The following KHDRBS3 variants were observed in gnomAD, a reference collection of about 807,000 sequenced individuals.
KHDRBS3 encodes KH domain-containing, RNA-binding, signal transduction-associated protein 3.
KHDRBS3 carries 23 observed loss-of-function variants against 45.6 expected under a neutral mutation model. The observed-to-expected ratio is 0.50, with a 90% confidence interval of 0.36 to 0.72. The LOEUF is 0.72. KHDRBS3 is among the 30% of genes least tolerant of loss of function. KHDRBS3 has a pLI of 0.00. For missense variants in KHDRBS3, 352 were observed against 424.8 expected, an observed-to-expected ratio of 0.83 and a Z score of 1.51; for synonymous variants, 162 against 156.5, an observed-to-expected ratio of 1.04 and a Z score of -0.26.
chr8:135,558,733 C>CCTG (rs1827016958), intron 5 of KHDRBS3, among the ~76,000 whole-genome samples: 1 of 152,090 alleles, frequency 6.6e-6, no homozygotes, highest in Admixed American at 6.6e-5. Context: ...AACTTACTTA[C>CCTG]CTGCTTCATT....
At chr8:135,465,271 G>A (rs1205971172) in intron 1 of KHDRBS3, among the ~76,000 whole-genome samples, 1 of 151,932 alleles carries the variant, frequency 6.6e-6, no homozygotes, top group African/African-American at 2.4e-5. Context: ...TCTTTGTAGG[G>A]TTGCTGTTTT....
chr8:135,459,280 ACT>A (rs1821301037), intron 1 of KHDRBS3, among the ~76,000 whole-genome samples: 1 of 151,986 alleles, frequency 6.6e-6, no homozygotes, highest in South Asian at 2.1e-4. Context: ...TGGAGGAGAG[ACT>A]CTTTACTGTC....
chr8:135,649,118 T>C (rs1465309459), downstream of KHDRBS3, among the ~76,000 whole-genome samples: 1 of 152,192 alleles, frequency 6.6e-6, no homozygotes, highest in Non-Finnish European at 1.5e-5. Flanking sequence ...AATTACTTCA[T>C]AAAATGTAAA....
chr8:135,562,554 A>T (rs535772106), intron 5 of KHDRBS3, among the ~76,000 whole-genome samples: 1 of 152,196 alleles, frequency 6.6e-6, no homozygotes, highest in Non-Finnish European at 1.5e-5. Flanking sequence ...ATGAAATCAC[A>T]TGCGGTAACT....
chr8:135,526,799 T>G (rs1825211141), intron 2 of KHDRBS3, among the ~76,000 whole-genome samples: 2 of 152,194 alleles, frequency 1.3e-5, no homozygotes, highest in Admixed American at 1.3e-4. Context: ...CAGGAATCAT[T>G]TAGTGTTCAG....
intron 2 of KHDRBS3, among the ~76,000 whole-genome samples, chr8:135,536,565 G>A (rs933497827): frequency 3.3e-5 from 5 of 152,110 alleles, no homozygotes; most frequent in African/African-American, 1.2e-4. Context: ...GATTGAAGGA[G>A]ATGGAAGTGG....
chr8:135,644,574 T>C (rs1831203377), intron 7 of KHDRBS3, among the ~76,000 whole-genome samples: 1 of 152,156 alleles, frequency 6.6e-6, no homozygotes, highest in African/African-American at 2.4e-5. Flanking sequence ...TAGACGAGGG[T>C]GTAAGAAGAA....
downstream of KHDRBS3, among the ~76,000 whole-genome samples, chr8:135,651,613 C>T (rs748576795): frequency 9.9e-5 from 15 of 152,126 alleles, no homozygotes; most frequent in Non-Finnish European, 1.2e-4. Context: ...GCTTGGCCTA[C>T]TCCATTCCCT....
At chr8:135,580,237 G>A (rs1189934571) in intron 5 of KHDRBS3, among the ~76,000 whole-genome samples, 1 of 152,158 alleles carries the variant, frequency 6.6e-6, no homozygotes, top group South Asian at 2.1e-4. Flanking sequence ...TACTTTGAAC[G>A]AGGCACTTCC....
intron 1 of KHDRBS3, among the ~76,000 whole-genome samples, chr8:135,461,663 GTC>G (rs1157173110): frequency 1.3e-5 from 2 of 152,156 alleles, no homozygotes; most frequent in Non-Finnish European, 2.9e-5. Context: ...TTTAATCCAA[GTC>G]TCTGATATTG....
chr8:135,597,322 T>C (rs973289982), intron 6 of KHDRBS3, among the ~76,000 whole-genome samples: 1 of 152,182 alleles, frequency 6.6e-6, no homozygotes, highest in Non-Finnish European at 1.5e-5. Context: ...CCCAACTTCT[T>C]AATTCCACCA....
chr8:135,588,994 C>G (rs1828616963), intron 6 of KHDRBS3, among the ~76,000 whole-genome samples: 1 of 152,162 alleles, frequency 6.6e-6, no homozygotes, highest in South Asian at 2.1e-4. Flanking sequence ...TCTCTGTATT[C>G]AAATAGCTAC....
At chr8:135,610,429 G>A (rs936267072) in intron 7 of KHDRBS3, among the ~76,000 whole-genome samples, 2 of 151,764 alleles carry the variant, frequency 1.3e-5, no homozygotes, top group African/African-American at 2.4e-5. Flanking sequence ...CAGATGATAA[G>A]CATTTATTCT....
chr8:135,458,038 C>A, intron 1 of KHDRBS3, 84 bp downstream of exon 1: 1 of 1,458,216 alleles, frequency 6.9e-7, no homozygotes, highest in South Asian at 1.4e-5. Context: ...CCTCCGTGCC[C>A]TCTGCTGTCA....
intron 1 of KHDRBS3, 136 bp downstream of exon 1, chr8:135,458,090 C>A: frequency 7.2e-7 from 1 of 1,390,336 alleles, no homozygotes; most frequent in South Asian, 1.6e-5. Flanking sequence ...CCCCCGGGGT[C>A]GTTTGCACGG....
intron 2 of KHDRBS3, among the ~76,000 whole-genome samples, chr8:135,531,677 T>G (rs1825485994): frequency 6.6e-6 from 1 of 151,308 alleles, no homozygotes; most frequent in South Asian, 2.1e-4. Flanking sequence ...TGATGGAGAG[T>G]TATTTCTAGA....
intron 1 of KHDRBS3, among the ~76,000 whole-genome samples, chr8:135,479,324 A>G (rs546588228): frequency 6.6e-6 from 1 of 152,364 alleles, no homozygotes; most frequent in South Asian, 2.1e-4. Flanking sequence ...ACTCGTTAAG[A>G]AAAGCTGAGA....
chr8:135,554,846 T>C (rs570351374), intron 4 of KHDRBS3, among the ~76,000 whole-genome samples: 1 of 152,300 alleles, frequency 6.6e-6, no homozygotes, highest in East Asian at 1.9e-4. Flanking sequence ...TTTTTAATTC[T>C]AAATAATAAA....
chr8:135,512,576 G>A (rs954269956), intron 1 of KHDRBS3, among the ~76,000 whole-genome samples: 1 of 152,114 alleles, frequency 6.6e-6, no homozygotes, highest in Non-Finnish European at 1.5e-5. Flanking sequence ...GTTTTTAGAA[G>A]AGCAGTTTTC....
Sources: allele counts gnomAD v4.1 joint callset (sites outside exome capture counted in the v4.1 genomes callset), GRCh38; gene constraint gnomAD v4.1.1; transcripts MANE v1.5; gene names NCBI Gene and HGNC (gene_info 2026-07-23, HGNC 2026-07-21).